The following PDE7B variants were observed in gnomAD, a reference collection of about 807,000 sequenced individuals.
The protein encoded by PDE7B is 3',5'-cyclic-AMP phosphodiesterase 7B.
A neutral mutation model predicts 56.2 loss-of-function variants in PDE7B; 29 were observed. The observed-to-expected ratio is 0.52, with a 90% CI of 0.38 to 0.70. PDE7B has a LOEUF of 0.70. PDE7B is among the 30% of genes least tolerant of loss of function. PDE7B has a pLI of 0.00. For synonymous variants in PDE7B, 197 were observed against 196.9 expected (o/e 1.00, Z 0.00); for missense variants, 490 against 565.0 (o/e 0.87, Z 1.35).
intron 2 of PDE7B, among the ~76,000 whole-genome samples, chr6:136,008,488 A>T (rs1005414663): frequency 2.4e-4 from 36 of 152,204 alleles, no homozygotes; most frequent in African/African-American, 8.2e-4. Flanking sequence ...CATCCTCTCC[A>T]GCACCTGTTG....
chr6:135,972,620 C>G (rs973501042), intron 2 of PDE7B, among the ~76,000 whole-genome samples: 1 of 152,054 alleles, frequency 6.6e-6, no homozygotes, highest in Non-Finnish European at 1.5e-5. Flanking sequence ...TATTTTTTTG[C>G]AGAAATTTTT....
chr6:136,037,809 G>A, intron 2 of PDE7B: 1 of 985,364 alleles, frequency 1.0e-6, no homozygotes, highest in Non-Finnish European at 1.2e-6. Flanking sequence ...AACAAACTTT[G>A]ACAAGCACCA....
chr6:136,113,309 A>G (rs992797434), intron 3 of PDE7B, among the ~76,000 whole-genome samples: 3 of 152,256 alleles, frequency 2.0e-5, no homozygotes, highest in African/African-American at 7.2e-5. Context: ...ATAATACCAT[A>G]TCATATGCAT....
chr6:136,195,141 G>C lies in PDE7B; in HGVS notation c.*3301G>C, dbSNP rs1232507874. 6.6e-6 allele frequency: 1 copy of C among 152,156 alleles called. No individual in the cohort carries two copies. The highest frequency in any genetic ancestry group is 1.5e-5 in the Non-Finnish European group (1 of 68,028). 9.4% of individuals were successfully genotyped at this position (152,156 alleles called of 1,614,324 possible). A position where few individuals can be genotyped will look rare whatever the true frequency, so the allele number is the denominator to read the frequency against. On this transcript the variant is annotated 3_prime_UTR_variant, in exon 13 of 13. Coordinates refer to ENST00000308191, the MANE Select transcript of PDE7B (RefSeq NM_018945.4). ...AAATCTGCTCTTCCTTTTAATAACAGTGATGAATTGTCAGGACCTTATTTA... is the reference window on the plus strand; with the variant it reads ...AAATCTGCTCTTCCTTTTAATAACACTGATGAATTGTCAGGACCTTATTTA...
chr6:135,886,288 T>G (rs1283917507), intron 1 of PDE7B, among the ~76,000 whole-genome samples: 2 of 152,092 alleles, frequency 1.3e-5, no homozygotes, highest in African/African-American at 4.8e-5. Context: ...GCCAAGGACC[T>G]CTGCAGGATG....
At chr6:136,144,239 C>A (rs1778377166) in intron 3 of PDE7B, among the ~76,000 whole-genome samples, 1 of 152,004 alleles carries the variant, frequency 6.6e-6, no homozygotes, top group Admixed American at 6.6e-5. Context: ...AATTTTTTAT[C>A]ATAAAATAAC....
At chr6:136,077,922 C>T (rs1191813450) in intron 2 of PDE7B, among the ~76,000 whole-genome samples, 4 of 152,266 alleles carry the variant, frequency 2.6e-5, no homozygotes, top group African/African-American at 9.6e-5. Context: ...TCTATGGAGT[C>T]ACCACTGCTG....
chr6:135,998,482 C>T lies in PDE7B; in HGVS notation c.82+50958C>T, dbSNP rs141847487. 9.2e-3 allele frequency among the ~76,000 whole-genome samples: 1,399 copies of T among 152,272 alleles called. 14 individuals carry two copies. The highest frequency in any genetic ancestry group is 0.034 in the Middle Eastern group (10 of 294). ...AACATAATTAAAACTCCTGGCCAGGCGTGGTGGCTCACGCCTGTAATCCCA... is the reference window on the plus strand; with the variant it reads ...AACATAATTAAAACTCCTGGCCAGGTGTGGTGGCTCACGCCTGTAATCCCA... On this transcript the variant is annotated intron_variant, in intron 2 of 12. Coordinates refer to ENST00000308191, the MANE Select transcript of PDE7B (RefSeq NM_018945.4).
intron 8 of PDE7B, among the ~76,000 whole-genome samples, chr6:136,157,739 G>C (rs961744974): frequency 1.3e-5 from 2 of 152,164 alleles, no homozygotes; most frequent in Admixed American, 6.5e-5. Context: ...CATAGAAAAA[G>C]AATGCTATAA....
intron 1 of PDE7B, among the ~76,000 whole-genome samples, chr6:135,931,920 CTTT>C (rs985160537): frequency 6.8e-6 from 1 of 148,070 alleles, no homozygotes; most frequent in Non-Finnish European, 1.5e-5. Context: ...ATTTTTAAAA[CTTT>C]TTTGTTACCG....
intron 1 of PDE7B, among the ~76,000 whole-genome samples, chr6:135,939,267 C>G (rs563344718): frequency 6.6e-6 from 1 of 151,952 alleles, no homozygotes; most frequent in East Asian, 1.9e-4. Flanking sequence ...AGATTTTCTG[C>G]TCAGCTCGAG....
chr6:135,990,391 C>A (rs1314058373), intron 2 of PDE7B, among the ~76,000 whole-genome samples: 1 of 152,150 alleles, frequency 6.6e-6, no homozygotes, highest in Admixed American at 6.5e-5. Context: ...CTACTATGAC[C>A]GGCCAGCAAT....
intron 1 of PDE7B, among the ~76,000 whole-genome samples, chr6:135,918,700 A>G (rs1415266719): frequency 6.6e-6 from 1 of 152,346 alleles, no homozygotes; most frequent in Non-Finnish European, 1.5e-5. Flanking sequence ...TTTTTATTAT[A>G]AAAGATAGCT....
At chr6:135,982,339 T>C (rs960155329) in intron 2 of PDE7B, among the ~76,000 whole-genome samples, 2 of 152,144 alleles carry the variant, frequency 1.3e-5, no homozygotes, top group African/African-American at 4.8e-5. Context: ...TCTGCTTTAT[T>C]TTTTTCTCTC....
intron 2 of PDE7B, among the ~76,000 whole-genome samples, chr6:136,050,942 C>T (rs1776614066): frequency 6.6e-6 from 1 of 152,134 alleles, no homozygotes; most frequent in East Asian, 1.9e-4. Context: ...GCTTCCCAGG[C>T]TGCCTGCTAA....
intron 3 of PDE7B, among the ~76,000 whole-genome samples, chr6:136,134,992 T>C (rs1199800045): frequency 6.6e-6 from 1 of 150,484 alleles, no homozygotes; most frequent in Non-Finnish European, 1.5e-5. Context: ...AAAAGGAGAG[T>C]GAGAGAAACA....
intron 2 of PDE7B, among the ~76,000 whole-genome samples, chr6:135,961,274 TG>T (rs1774895917): frequency 7.3e-6 from 1 of 136,476 alleles, no homozygotes. Context: ...TGTGTGTGTG[TG>T]TGTGTATGTG....
At chr6:135,893,207 G>A (rs1051392017) in intron 1 of PDE7B, among the ~76,000 whole-genome samples, 5 of 145,500 alleles carry the variant, frequency 3.4e-5, no homozygotes, top group South Asian at 2.3e-4. Flanking sequence ...TCCTAATGCT[G>A]TCCCTCCCCC....
intron 3 of PDE7B, among the ~76,000 whole-genome samples, chr6:136,110,402 T>C (rs1319697231): frequency 1.3e-5 from 2 of 152,092 alleles, no homozygotes; most frequent in African/African-American, 4.8e-5. Context: ...AGGACAAGGA[T>C]GAGCAAGGGG....
Sources: allele counts gnomAD v4.1 joint callset (sites outside exome capture counted in the v4.1 genomes callset), GRCh38; gene constraint gnomAD v4.1.1; transcripts MANE v1.5; gene names NCBI Gene and HGNC (gene_info 2026-07-23, HGNC 2026-07-21).